CPS1: variants seen among roughly 807,000 people sequenced by gnomAD.
CPS1 encodes the protein carbamoyl-phosphate synthase 1.
CPS1 carries 109 observed loss-of-function variants against 174.6 expected under a neutral mutation model. The ratio of observed to expected loss-of-function variants is 0.62; its 90% confidence interval spans 0.53 to 0.73. The LOEUF (loss-of-function observed/expected upper bound fraction) is 0.73. Ranked by LOEUF, CPS1 falls within the 30% of genes least tolerant of loss-of-function variation. CPS1 has a pLI of 0.00. For missense variants in CPS1, 1,689 were observed against 1,821.9 expected (o/e 0.93, Z 1.33); for synonymous variants, 637 against 632.0 (o/e 1.01, Z -0.12).
intron 1 of CPS1, among the ~76,000 whole-genome samples, chr2:210,506,807 T>A (rs1695301011): frequency 6.6e-6 from 1 of 151,896 alleles, no homozygotes; most frequent in South Asian, 2.1e-4. Flanking sequence ...TGAAATGAAG[T>A]GAGAAGAGAA....
chr2:210,512,851 T>TATATATATATAGATATATATATATAGAG (rs1695543351), intron 1 of CPS1, among the ~76,000 whole-genome samples: 1 of 60,366 alleles, frequency 1.7e-5, no homozygotes, highest in African/African-American at 6.7e-5. Flanking sequence ...TATATGGAGA[T>TATATATATATAGATATATATATATAGAG]ATATATATAT....
chr2:210,520,130 AC>A (rs1368905297), intron 1 of CPS1, among the ~76,000 whole-genome samples: 20 of 152,170 alleles, frequency 1.3e-4, no homozygotes, highest in Non-Finnish European at 5.9e-5. Flanking sequence ...AATTTATATA[AC>A]TTTGATAAAT....
At chr2:210,570,303 T>G (rs1307150233) in intron 1 of CPS1, among the ~76,000 whole-genome samples, 1 of 151,920 alleles carries the variant, frequency 6.6e-6, no homozygotes, top group Non-Finnish European at 1.5e-5. Flanking sequence ...CAGGGACTAT[T>G]TCACGCAATA....
rs899576721 is a variant in CPS1 at position 210,520,310 on chromosome 2, AT to A, written c.4-36405del. On this transcript the variant is annotated intron_variant, in intron 1 of 38. Coordinates refer to the CPS1 transcript ENST00000430249. ...ATCACACCCAATGTTTCTTTATTTTATTTTACTTTAAGTTCTGAGATACATG... is the reference window on the plus strand; with the variant it reads ...ATCACACCCAATGTTTCTTTATTTTATTTACTTTAAGTTCTGAGATACATG... Among the ~76,000 whole-genome samples the A allele has an allele frequency of 8.6e-5, 13 of 152,040 alleles. 1 individual carries two copies. Among genetic ancestry groups the A allele is most frequent in the African/African-American group, 3.1e-4 (13 of 41,514 alleles).
At chr2:210,660,411 G>A (rs2105922677) in intron 31 of CPS1, 74 bp from the exon 32 acceptor site, 1 of 1,428,272 alleles carries the variant, frequency 7.0e-7, no homozygotes, top group Non-Finnish European at 9.9e-7. Flanking sequence ...GGAAACCAGT[G>A]GTAGAGAGAA....
At position 210,607,055 on chromosome 2, in the gene CPS1, A is replaced by T. The variant is rs530771743; in HGVS notation, c.2192+114A>T. 2.8e-5 allele frequency: 26 copies of T among 924,182 alleles called. 1 individual carries two copies. The Middle Eastern group carries it at 1.4e-3, about 48-fold the overall frequency. The allele number at this position is 924,182 out of a possible 1,614,324, so 57.2% of individuals were successfully genotyped here. A position where few individuals can be genotyped will look rare whatever the true frequency, so the allele number is the denominator to read the frequency against. On this transcript the variant is annotated intron_variant, in intron 18 of 37. Coordinates refer to ENST00000233072, the MANE Select transcript of CPS1 (RefSeq NM_001875.5). ...TACAAACTATGTTCCCTTTTTCTGT[A>T]TGTTAGCTCCAAATCATTTATAGCA... is the stretch of plus-strand genomic sequence containing the variant.
chr2:210,502,430 A>G (rs1290622949), intron 1 of CPS1, among the ~76,000 whole-genome samples: 1 of 143,164 alleles, frequency 7.0e-6, no homozygotes, highest in Non-Finnish European at 1.5e-5. Context: ...TATATAAAAG[A>G]GAGATATAGA....
At chr2:210,648,136 A>C in intron 26 of CPS1, 79 bp downstream of exon 26, 1 of 1,393,968 alleles carries the variant, frequency 7.2e-7, no homozygotes, top group South Asian at 1.2e-5. Context: ...AATGTTGACT[A>C]TTGGATATGT....
intron 1 of CPS1, among the ~76,000 whole-genome samples, chr2:210,550,018 T>A (rs909887023): frequency 6.6e-6 from 1 of 152,022 alleles, no homozygotes; most frequent in Non-Finnish European, 1.5e-5. Context: ...CTTTGCTATT[T>A]TAGGTAAGTC....
intron 21 of CPS1, chr2:210,631,366 A>T (rs545311937): frequency 4.7e-4 from 71 of 152,316 alleles, no homozygotes; most frequent in African/African-American, 1.6e-3. Flanking sequence ...GAGTGGAGGA[A>T]ATTTCAGAGA....
At chr2:210,584,117 C>CT (rs2106096266) in intron 6 of CPS1, among the ~76,000 whole-genome samples, 1 of 152,162 alleles carries the variant, frequency 6.6e-6, no homozygotes, top group African/African-American at 2.4e-5. Flanking sequence ...CGCTTTGAAA[C>CT]TTAAAGGAAG....
chr2:210,677,695 A>G (rs1192410655), intron 37 of CPS1, among the ~76,000 whole-genome samples, 192 bp from the exon 38 acceptor site: 1 of 152,214 alleles, frequency 6.6e-6, no homozygotes, highest in Non-Finnish European at 1.5e-5. Flanking sequence ...GTGACATCTG[A>G]GATATAAAAG....
chr2:210,524,498 A>G (rs1263121417), intron 1 of CPS1, among the ~76,000 whole-genome samples: 2 of 151,986 alleles, frequency 1.3e-5, no homozygotes, highest in African/African-American at 4.8e-5. Context: ...ATAATTAAGT[A>G]GTGGATATAT....
At chr2:210,581,602 A>G (rs1488764607) in intron 5 of CPS1, among the ~76,000 whole-genome samples, 1 of 152,220 alleles carries the variant, frequency 6.6e-6, no homozygotes, top group Admixed American at 6.5e-5. Context: ...CTTGGATTAT[A>G]AAAGTAAATA....
chr2:210,536,381 C>T (rs905588057), intron 1 of CPS1, among the ~76,000 whole-genome samples: 14 of 143,160 alleles, frequency 9.8e-5, no homozygotes, highest in South Asian at 2.2e-4. Context: ...AGTGCAGTGG[C>T]GTGATCTCGG....
At chr2:210,498,102 G>A (rs562641838) in intron 1 of CPS1, among the ~76,000 whole-genome samples, 4 of 151,292 alleles carry the variant, frequency 2.6e-5, no homozygotes, top group South Asian at 2.1e-4. Flanking sequence ...TTTTAATAAC[G>A]GCCATTCTTA....
intron 33 of CPS1, among the ~76,000 whole-genome samples, chr2:210,665,925 A>G (rs1322470988): frequency 7.1e-6 from 1 of 141,262 alleles, no homozygotes; most frequent in Admixed American, 7.2e-5. Flanking sequence ...TGGTTGAACT[A>G]GTTTACAGTC....
At chr2:210,550,192 CATT>C (rs1182107339) in intron 1 of CPS1, among the ~76,000 whole-genome samples, 2 of 151,910 alleles carry the variant, frequency 1.3e-5, no homozygotes, top group African/African-American at 2.4e-5. Flanking sequence ...TCTTCTGTCT[CATT>C]GTTCAGTTTT....
intron 1 of CPS1, among the ~76,000 whole-genome samples, chr2:210,561,506 T>C (rs1187694987): frequency 6.6e-6 from 1 of 152,220 alleles, no homozygotes; most frequent in Non-Finnish European, 1.5e-5. Flanking sequence ...ACATCTGTAT[T>C]AGACTTTCTT....
Sources: gnomAD v4.1 joint callset for allele counts (sites outside exome capture counted in the v4.1 genomes callset) on GRCh38, gnomAD v4.1.1 for gene constraint, MANE v1.5 for transcripts, NCBI Gene and HGNC (gene_info 2026-07-23, HGNC 2026-07-21) for gene names.